Variants in STAP1 observed in about 807,000 individuals in gnomAD.
The protein encoded by STAP1 is signal transducing adaptor family member 1.
A neutral mutation model predicts 37.8 loss-of-function variants in STAP1; 30 were observed. The observed-to-expected ratio is 0.79, with a 90% CI of 0.59 to 1.08. The LOEUF is 1.08. Among genes scored for constraint, STAP1 ranks in the 50% least tolerant of loss-of-function variants. The pLI, the probability that STAP1 is intolerant of heterozygous loss-of-function variation, is 0.00. For synonymous variants in STAP1, 130 were observed against 116.0 expected (o/e 1.12, Z -0.78); for missense variants, 357 against 349.4 (o/e 1.02, Z -0.17).
intron 8 of STAP1, among the ~76,000 whole-genome samples, chr4:67,594,189 T>C (rs1239686573): frequency 6.6e-6 from 1 of 152,212 alleles, no homozygotes; most frequent in Non-Finnish European, 1.5e-5. Context: ...AACAAGTCTC[T>C]TTTTCTACAG....
At chr4:67,562,847 A>C (rs1367829135) in intron 1 of STAP1, among the ~76,000 whole-genome samples, 1 of 151,904 alleles carries the variant, frequency 6.6e-6, no homozygotes, top group Non-Finnish European at 1.5e-5. Flanking sequence ...AATCCATGTA[A>C]ATTATTTGAT....
At chr4:67,596,620 T>C (rs537618853) in intron 8 of STAP1, among the ~76,000 whole-genome samples, 108 of 152,292 alleles carry the variant, frequency 7.1e-4, no homozygotes, top group African/African-American at 2.6e-3. Flanking sequence ...TGGTCTCCAA[T>C]AGAGATGAGG....
In STAP1 at chr4:67,595,668, T is replaced by A. The variant is rs143798231; in HGVS notation, c.826+2312T>A. On this transcript the variant is annotated intron_variant, in intron 8 of 8. Transcript: ENST00000265404. Reference sequence around the variant, plus strand: ...ACCCTTTTGCCACACTTACTATTACTATAACTTCGTAGTAATTCTTGAAAT... The same window carrying A: ...ACCCTTTTGCCACACTTACTATTACAATAACTTCGTAGTAATTCTTGAAAT... 6.3e-3 allele frequency among the ~76,000 whole-genome samples: 960 copies of A among 152,338 alleles called. 12 individuals carry two copies. Among genetic ancestry groups the A allele is most frequent in the African/African-American group, 0.022 (919 of 41,582 alleles).
At position 67,581,444 on chromosome 4, in the gene STAP1, A is replaced by T; in HGVS notation, c.503A>T (p.Tyr168Phe). Residue 168 changes from tyrosine to phenylalanine, a missense_variant, in exon 5 of 9, where the codon TAT (tyrosine) becomes TTT (phenylalanine). By Grantham distance (22) the Tyr-to-Phe change is conservative. Coordinates refer to ENST00000265404, the MANE Select transcript of STAP1 (RefSeq NM_012108.4). ...VEKEKEPTED[Y>F]VDVLNPMPAC... ...AAAGAGAAGGAACCAACTGAAGATT[A>T]TGTGGATGTACTGAACCCTATGCCA... 1 of 1,613,804 alleles carries T rather than the reference A, an allele frequency of 6.2e-7. No individual in the cohort carries two copies. Among genetic ancestry groups the T allele is most frequent in the Non-Finnish European group, 8.5e-7 (1 of 1,179,848 alleles).
At chr4:67,587,723 T>C (rs376801512) in intron 6 of STAP1, among the ~76,000 whole-genome samples, 12 of 14,130 alleles carry the variant, frequency 8.5e-4, no homozygotes, top group South Asian at 2.7e-3. Context: ...TTCTTTCTTT[T>C]TTTTTTTTTT....
At chr4:67,574,881 G>T (rs2109860433) in intron 2 of STAP1, among the ~76,000 whole-genome samples, 2 of 152,214 alleles carry the variant, frequency 1.3e-5, no homozygotes, top group South Asian at 4.1e-4. Flanking sequence ...AATTTGCATG[G>T]TGTAAAATAC....
intron 5 of STAP1, among the ~76,000 whole-genome samples, chr4:67,581,711 A>G (rs1259360450): frequency 6.6e-6 from 1 of 152,206 alleles, no homozygotes; most frequent in African/African-American, 2.4e-5. Flanking sequence ...TTTAGAACAA[A>G]TAGATACTCT....
At chr4:67,581,234 G>C (rs1727847467) in intron 4 of STAP1, 71 bp from the exon 5 acceptor site, 4 of 1,468,430 alleles carry the variant, frequency 2.7e-6, no homozygotes, top group Admixed American at 1.9e-5. Context: ...GACCAGAACA[G>C]GGTCGTCTTT....
intron 1 of STAP1, among the ~76,000 whole-genome samples, chr4:67,567,331 T>C (rs905521300): frequency 3.3e-5 from 5 of 151,714 alleles, no homozygotes; most frequent in Non-Finnish European, 7.4e-5. Context: ...TCAAGAGGCA[T>C]CAGCAGGTTC....
At chr4:67,595,436 C>A (rs1278160384) in intron 8 of STAP1, among the ~76,000 whole-genome samples, 1 of 148,800 alleles carries the variant, frequency 6.7e-6, no homozygotes, top group African/African-American at 2.5e-5. Flanking sequence ...GTAGTCCTAG[C>A]TACTTGGGAG....
chr4:67,588,386 T>C (rs182568641), intron 6 of STAP1, among the ~76,000 whole-genome samples: 179 of 151,842 alleles, frequency 1.2e-3, no homozygotes, highest in Middle Eastern at 3.4e-3. Context: ...ATATGATGTC[T>C]TTTTTTTGTT....
At position 67,558,882 on chromosome 4, in the gene STAP1, C is replaced by T; in HGVS notation, c.73C>T (p.Pro25Ser). The T allele has an allele frequency of 6.2e-7, 1 of 1,613,548 alleles. No individual in the cohort carries two copies. Among genetic ancestry groups the T allele is most frequent in the Non-Finnish European group, 8.5e-7 (1 of 1,179,650 alleles). Reference protein sequence around the residue: ...FQERLKITALPLYFEGFLLIK... With the variant: ...FQERLKITALSLYFEGFLLIK... ...GGAAAGGTTAAAGATTACTGCTCTA[C>T]CTTTGTACTTTGAAGGTTTTTTATT... The change falls in exon 1 of 9, where the codon CCT becomes TCT. Residue 25 changes from proline to serine, a missense_variant. Pro to Ser is a moderately conservative substitution (Grantham distance 74). Coordinates refer to ENST00000265404, the MANE Select transcript of STAP1 (RefSeq NM_012108.4).
chr4:67,605,619 C>A (rs954636430), intron 8 of STAP1, among the ~76,000 whole-genome samples: 1 of 152,028 alleles, frequency 6.6e-6, no homozygotes, highest in African/African-American at 2.4e-5. Context: ...TGTAGTGTAA[C>A]GTATTTTCTT....
chr4:67,577,121 C>G, intron 3 of STAP1, 82 bp from the exon 4 acceptor site: 4 of 1,240,076 alleles, frequency 3.2e-6, no homozygotes, highest in Non-Finnish European at 3.4e-6. Context: ...ATTTTTTAGG[C>G]TCAGTCATAA....
intron 1 of STAP1, among the ~76,000 whole-genome samples, chr4:67,559,859 T>C (rs1727294060): frequency 6.6e-6 from 1 of 152,184 alleles, no homozygotes; most frequent in Non-Finnish European, 1.5e-5. Flanking sequence ...TATAATAGCA[T>C]ATTCACATTT....
intron 2 of STAP1, among the ~76,000 whole-genome samples, 161 bp downstream of exon 2, chr4:67,571,316 G>T (rs1205525136): frequency 2.0e-5 from 3 of 152,146 alleles, no homozygotes; most frequent in African/African-American, 7.2e-5. Context: ...AATGATCACA[G>T]GAACGATGGT....
At chr4:67,600,020 C>A (rs2109877936) in intron 8 of STAP1, among the ~76,000 whole-genome samples, 1 of 151,980 alleles carries the variant, frequency 6.6e-6, no homozygotes, top group Middle Eastern at 3.4e-3. Flanking sequence ...CTGCTATGAC[C>A]TTTATTGTTT....
intron 8 of STAP1, among the ~76,000 whole-genome samples, chr4:67,595,433 T>A (rs966988710): frequency 6.8e-6 from 1 of 147,674 alleles, no homozygotes; most frequent in African/African-American, 2.5e-5. Flanking sequence ...CCTGTAGTCC[T>A]AGCTACTTGG....
chr4:67,593,376 G>T lies in STAP1; in HGVS notation c.826+20G>T, dbSNP rs1728161799. Reference sequence around the variant, plus strand: ...ACACTGGTATGTTTTTCACTTCATTGCTATGTTAAGGGAAACAAAACAAAA... The same window carrying T: ...ACACTGGTATGTTTTTCACTTCATTTCTATGTTAAGGGAAACAAAACAAAA... On this transcript the variant is annotated intron_variant, in intron 8 of 8. Coordinates refer to ENST00000265404, the MANE Select transcript of STAP1 (RefSeq NM_012108.4). The T allele has an allele frequency of 6.4e-7, 1 of 1,552,806 alleles. No individual in the cohort carries two copies.
Sources: gnomAD v4.1 joint callset for allele counts (sites outside exome capture counted in the v4.1 genomes callset) on GRCh38, gnomAD v4.1.1 for gene constraint, MANE v1.5 for transcripts, NCBI Gene and HGNC (gene_info 2026-07-23, HGNC 2026-07-21) for gene names.